ASPRV1: variants seen among roughly 807,000 people sequenced by gnomAD.
ASPRV1 encodes aspartic peptidase retroviral like 1, also known as retroviral-like aspartic protease 1.
ASPRV1 carries 7 observed loss-of-function variants against 11.0 expected under a neutral mutation model. That is an observed-to-expected ratio of 0.64 (90% confidence interval 0.36 to 1.20). The LOEUF (loss-of-function observed/expected upper bound fraction) is 1.20, where lower values mean the gene tolerates loss of function less well. Ranked by LOEUF, ASPRV1 falls within the 50% of genes most tolerant of loss-of-function variation. ASPRV1 has a pLI of 0.02. For missense variants in ASPRV1, 299 were observed against 320.0 expected, an observed-to-expected ratio of 0.93 and a Z score of 0.50; for synonymous variants, 136 against 138.4, an observed-to-expected ratio of 0.98 and a Z score of 0.12.
the ASPRV1 span, among the ~76,000 whole-genome samples, chr2:69,987,089 G>C: frequency 6.6e-6 from 1 of 152,106 alleles, no homozygotes. Context: ...TCCCGGAAAA[G>C]GGATCAGGGA....
At chr2:69,943,005 C>T in the ASPRV1 span, 1 of 152,200 alleles carries the variant, frequency 6.6e-6, no homozygotes, top group Non-Finnish European at 1.5e-5. Context: ...CCTTGCAGAA[C>T]TGCGTTCATC....
chr2:70,080,462 G>A, the ASPRV1 span, among the ~76,000 whole-genome samples: 1 of 152,124 alleles, frequency 6.6e-6, no homozygotes, highest in Admixed American at 6.6e-5. Flanking sequence ...CCTGACCTCA[G>A]GTGATCTGCC....
At chr2:69,935,604 C>T in the ASPRV1 span, 8 of 649,662 alleles carry the variant, frequency 1.2e-5, no homozygotes, top group South Asian at 1.4e-4. Context: ...TCAAATGCAA[C>T]ATATTCAAAA....
the ASPRV1 span, among the ~76,000 whole-genome samples, chr2:69,949,286 T>A: frequency 6.7e-6 from 1 of 148,884 alleles, no homozygotes; most frequent in Non-Finnish European, 1.5e-5. Flanking sequence ...AATGAATGAA[T>A]GAACGAATGA....
the ASPRV1 span, among the ~76,000 whole-genome samples, chr2:69,969,041 T>C: frequency 2.0e-5 from 3 of 152,194 alleles, no homozygotes; most frequent in Admixed American, 6.5e-5. Flanking sequence ...TGATCCTGTA[T>C]CTCCTTGGTC....
the ASPRV1 span, chr2:70,032,280 G>A: frequency 6.6e-6 from 1 of 152,352 alleles, no homozygotes; most frequent in African/African-American, 2.4e-5. Context: ...AGAGTGGTTT[G>A]TTCAGTGTGG....
chr2:69,968,960 C>T, the ASPRV1 span, among the ~76,000 whole-genome samples: 2 of 152,232 alleles, frequency 1.3e-5, no homozygotes, highest in Non-Finnish European at 1.5e-5. Flanking sequence ...TCTCACTCTC[C>T]GTGGGTTCCC....
At chr2:69,967,339 G>A in the ASPRV1 span, among the ~76,000 whole-genome samples, 11 of 152,200 alleles carry the variant, frequency 7.2e-5, no homozygotes, top group African/African-American at 2.2e-4. Context: ...GGCAACTCCC[G>A]CAACCAGGTA....
At chr2:69,996,987 C>CA in the ASPRV1 span, 1 of 249,984 alleles carries the variant, frequency 4.0e-6, no homozygotes, top group Non-Finnish European at 8.1e-6. Flanking sequence ...GCATGAGAAA[C>CA]AAGCTCTTCT....
chr2:69,975,112 G>C, the ASPRV1 span, among the ~76,000 whole-genome samples: 2 of 152,240 alleles, frequency 1.3e-5, no homozygotes, highest in African/African-American at 4.8e-5. Flanking sequence ...AGGAGGATCA[G>C]CCTTGGCCAG....
chr2:69,938,803 G>A, the ASPRV1 span: 2 of 153,866 alleles, frequency 1.3e-5, no homozygotes, highest in South Asian at 4.0e-4. Flanking sequence ...AGGAAGTCAG[G>A]AATACCTCTA....
At chr2:70,055,763 T>C in the ASPRV1 span, 48 of 151,444 alleles carry the variant, frequency 3.2e-4, no homozygotes, top group Admixed American at 3.1e-3. Context: ...GTTTTTAGAA[T>C]AAAGAAAAAA....
At chr2:69,975,214 G>A in the ASPRV1 span, 1 of 152,492 alleles carries the variant, frequency 6.6e-6, no homozygotes, top group African/African-American at 2.4e-5. Flanking sequence ...TGTGGAGGCA[G>A]GTGTTTAACA....
At chr2:70,040,210 G>A in the ASPRV1 span, among the ~76,000 whole-genome samples, 5 of 152,068 alleles carry the variant, frequency 3.3e-5, no homozygotes, top group Non-Finnish European at 7.4e-5. Flanking sequence ...ACAGTATATA[G>A]AGGGAGTAGA....
At chr2:70,008,174 G>C in the ASPRV1 span, among the ~76,000 whole-genome samples, 1 of 151,830 alleles carries the variant, frequency 6.6e-6, no homozygotes, top group Admixed American at 6.6e-5. Flanking sequence ...TTTTGAATGA[G>C]ATAAATCTAT....
the ASPRV1 span, among the ~76,000 whole-genome samples, chr2:70,060,758 G>A: frequency 1.3e-5 from 2 of 152,214 alleles, no homozygotes; most frequent in Non-Finnish European, 2.9e-5. Context: ...AGAGGCTGCA[G>A]TAAGCTGAGA....
chr2:69,953,311 C>G, the ASPRV1 span, among the ~76,000 whole-genome samples: 2 of 152,298 alleles, frequency 1.3e-5, no homozygotes, highest in Non-Finnish European at 2.9e-5. Flanking sequence ...AGTGGTCAGT[C>G]CTGGGGATAA....
At chr2:70,022,705 A>T in the ASPRV1 span, among the ~76,000 whole-genome samples, 2 of 151,960 alleles carry the variant, frequency 1.3e-5, no homozygotes, top group Non-Finnish European at 2.9e-5. Context: ...AAAATAACAC[A>T]AGCAAATTTT....
At chr2:70,081,911 T>C in the ASPRV1 span, among the ~76,000 whole-genome samples, 10 of 151,136 alleles carry the variant, frequency 6.6e-5, no homozygotes, top group East Asian at 1.9e-4. Flanking sequence ...AAAAGAGAAA[T>C]AGAAAGATAA....
Sources: allele counts gnomAD v4.1 joint callset (sites outside exome capture counted in the v4.1 genomes callset), GRCh38; gene constraint gnomAD v4.1.1; transcripts MANE v1.5; gene names NCBI Gene and HGNC (gene_info 2026-07-23, HGNC 2026-07-21).